ASIC2: variants seen among roughly 807,000 people sequenced by gnomAD.
ASIC2 encodes the protein acid-sensing ion channel 2.
Under a neutral mutation model 57.3 loss-of-function variants are expected in ASIC2, and 25 were observed. The ratio of observed to expected loss-of-function variants is 0.44; its 90% confidence interval spans 0.32 to 0.61. ASIC2 has a LOEUF of 0.61. ASIC2 is among the 20% of genes least tolerant of loss of function. The pLI, the probability that ASIC2 is intolerant of heterozygous loss-of-function variation, is 0.06. For synonymous variants in ASIC2, 319 were observed against 307.5 expected, an observed-to-expected ratio of 1.04 and a Z score of -0.39; for missense variants, 641 against 738.1, an observed-to-expected ratio of 0.87 and a Z score of 1.52.
At chr17:33,138,704 C>T (rs1017106716) in intron 1 of ASIC2, among the ~76,000 whole-genome samples, 3 of 152,130 alleles carry the variant, frequency 2.0e-5, no homozygotes, top group Non-Finnish European at 2.9e-5. Context: ...TCCCTGCCAC[C>T]TCAGGTAGTA....
intron 1 of ASIC2, among the ~76,000 whole-genome samples, chr17:34,093,960 C>T (rs1910425886): frequency 6.6e-6 from 1 of 152,122 alleles, no homozygotes; most frequent in South Asian, 2.1e-4. Context: ...GGCAGCAGTC[C>T]CCTTTGTCTG....
chr17:33,364,768 C>T (rs752051745), intron 1 of ASIC2, among the ~76,000 whole-genome samples: 63 of 152,158 alleles, frequency 4.1e-4, no homozygotes, highest in Non-Finnish European at 4.4e-4. Flanking sequence ...TTTATAGCAA[C>T]GTGAGAATGG....
intron 1 of ASIC2, among the ~76,000 whole-genome samples, chr17:33,929,140 C>G (rs7219096): frequency 1.3e-5 from 2 of 151,920 alleles, no homozygotes; most frequent in Non-Finnish European, 2.9e-5. Context: ...CTCAGACCCC[C>G]CATTGGATGG....
chr17:33,851,687 C>G (rs1293023991), intron 1 of ASIC2, among the ~76,000 whole-genome samples: 1 of 152,126 alleles, frequency 6.6e-6, no homozygotes, highest in East Asian at 1.9e-4. Flanking sequence ...TTAGCTCATC[C>G]CTGGCCTCTA....
intron 1 of ASIC2, among the ~76,000 whole-genome samples, chr17:33,698,308 T>C (rs2142067739): frequency 6.6e-6 from 1 of 152,356 alleles, no homozygotes; most frequent in East Asian, 1.9e-4. Context: ...GTACTTAAGA[T>C]TCTTCATCTG....
At chr17:33,134,010 T>C (rs2092358135) in intron 1 of ASIC2, among the ~76,000 whole-genome samples, 1 of 152,188 alleles carries the variant, frequency 6.6e-6, no homozygotes. Context: ...GCCTCTGTGC[T>C]TGATTGAGGG....
At chr17:34,073,971 T>C (rs1467612737) in intron 1 of ASIC2, among the ~76,000 whole-genome samples, 1 of 152,218 alleles carries the variant, frequency 6.6e-6, no homozygotes, top group East Asian at 1.9e-4. Flanking sequence ...CTGGACTGTC[T>C]GCACATGCAG....
At chr17:33,993,163 A>G (rs1567781130) in intron 1 of ASIC2, among the ~76,000 whole-genome samples, 1 of 152,250 alleles carries the variant, frequency 6.6e-6, no homozygotes, top group East Asian at 1.9e-4. Context: ...ACTGCCTACC[A>G]CTTTAATTCA....
intron 1 of ASIC2, among the ~76,000 whole-genome samples, chr17:33,576,754 C>A (rs1388193397): frequency 1.4e-5 from 2 of 142,510 alleles, no homozygotes; most frequent in Non-Finnish European, 3.0e-5. Flanking sequence ...AAATGCTATA[C>A]CTGGAGTATG....
At chr17:33,076,437 C>A (rs772126250) in intron 3 of ASIC2, among the ~76,000 whole-genome samples, 16 of 152,208 alleles carry the variant, frequency 1.1e-4, no homozygotes, top group Admixed American at 6.5e-5. Context: ...GCATTATGCA[C>A]ATCCTTAAAA....
intron 1 of ASIC2, among the ~76,000 whole-genome samples, chr17:33,252,057 G>A (rs765093563): frequency 6.6e-6 from 1 of 152,100 alleles, no homozygotes; most frequent in Non-Finnish European, 1.5e-5. Context: ...GGAGTGACTT[G>A]CCTAAGGTTG....
chr17:33,687,276 G>A (rs1908224930), intron 1 of ASIC2, among the ~76,000 whole-genome samples: 3 of 152,146 alleles, frequency 2.0e-5, no homozygotes, highest in Admixed American at 2.0e-4. Flanking sequence ...GGGAGTTGTA[G>A]CAGAGCCCTA....
intron 1 of ASIC2, among the ~76,000 whole-genome samples, chr17:33,187,693 C>G (rs1441986633): frequency 6.6e-6 from 1 of 152,046 alleles, no homozygotes; most frequent in Non-Finnish European, 1.5e-5. Flanking sequence ...TGACTGTGTT[C>G]CATTAAAACT....
intron 1 of ASIC2, among the ~76,000 whole-genome samples, chr17:33,796,022 T>C (rs150352892): frequency 6.6e-6 from 1 of 152,374 alleles, no homozygotes; most frequent in East Asian, 1.9e-4. Flanking sequence ...AGAGGTTGAC[T>C]GCATATGCCT....
intron 1 of ASIC2, among the ~76,000 whole-genome samples, chr17:33,449,664 A>G (rs1037686691): frequency 2.0e-5 from 3 of 152,200 alleles, no homozygotes; most frequent in Non-Finnish European, 4.4e-5. Flanking sequence ...TCTAATGGAA[A>G]ATTTCCTATA....
At chr17:34,099,743 AAAGAAAG>A (rs1444103461) in intron 1 of ASIC2, among the ~76,000 whole-genome samples, 1 of 2,226 alleles carries the variant, frequency 4.5e-4, no homozygotes, top group East Asian at 4.5e-3. Flanking sequence ...GGAAAGAAAG[AAAGAAAG>A]AAAGAAAGAA....
chr17:34,030,825 C>A (rs1414388732), intron 1 of ASIC2, among the ~76,000 whole-genome samples: 1 of 152,206 alleles, frequency 6.6e-6, no homozygotes, highest in Non-Finnish European at 1.5e-5. Context: ...CCCGCAATTG[C>A]CCAGTTAGTT....
At chr17:33,080,360 C>A (rs2092108331) in intron 3 of ASIC2, among the ~76,000 whole-genome samples, 1 of 152,070 alleles carries the variant, frequency 6.6e-6, no homozygotes, top group Non-Finnish European at 1.5e-5. Context: ...ATCTCATGAG[C>A]AACCTTGACA....
At chr17:34,064,244 T>G (rs2142062786) in intron 1 of ASIC2, among the ~76,000 whole-genome samples, 1 of 152,260 alleles carries the variant, frequency 6.6e-6, no homozygotes, top group East Asian at 1.9e-4. Flanking sequence ...CCAACTGACC[T>G]TTAACAAAGC....
Sources: allele counts gnomAD v4.1 joint callset (sites outside exome capture counted in the v4.1 genomes callset), GRCh38; gene constraint gnomAD v4.1.1; transcripts MANE v1.5; gene names NCBI Gene and HGNC (gene_info 2026-07-23, HGNC 2026-07-21).